Variants in ZNF280C observed in about 807,000 individuals in gnomAD.
The protein encoded by ZNF280C is zinc finger protein 280C, also known as suppressor of hairy wing homolog 3.
ZNF280C carries 14 observed loss-of-function variants against 53.6 expected under a neutral mutation model. The observed-to-expected ratio is 0.26, with a 90% CI of 0.17 to 0.41. ZNF280C has a LOEUF of 0.41. ZNF280C is among the 10% of genes least tolerant of loss of function. ZNF280C has a pLI of 1.00. For synonymous variants in ZNF280C, 203 were observed against 181.1 expected, an observed-to-expected ratio of 1.12 and a Z score of -0.97; for missense variants, 416 against 547.1, an observed-to-expected ratio of 0.76 and a Z score of 2.39.
intron 3 of ZNF280C, among the ~76,000 whole-genome samples, chrX:130,246,254 C>T (rs1174072659): frequency 8.9e-6 from 1 of 112,072 alleles, no homozygotes; most frequent in Non-Finnish European, 1.9e-5. Flanking sequence ...GAAAACCAGG[C>T]CCTCCCTCCT....
At chrX:130,239,926 A>C (rs1473516315) in intron 5 of ZNF280C, among the ~76,000 whole-genome samples, 1 of 111,420 alleles carries the variant, frequency 9.0e-6, no homozygotes, top group Non-Finnish European at 1.9e-5. Context: ...AAAATGTTAA[A>C]ATTTAAAAAT....
At chrX:130,236,983 A>G (rs1328204948) in intron 6 of ZNF280C, among the ~76,000 whole-genome samples, 1 of 111,774 alleles carries the variant, frequency 8.9e-6, no homozygotes. Flanking sequence ...TCCAAGCTAA[A>G]TAAAATAAAT....
intron 10 of ZNF280C, among the ~76,000 whole-genome samples, 158 bp downstream of exon 10, chrX:130,228,819 C>T (rs1316353641): frequency 9.2e-6 from 1 of 108,889 alleles, no homozygotes; most frequent in Non-Finnish European, 1.9e-5. Flanking sequence ...GAACACATTT[C>T]ATCTAGGTTT....
intron 16 of ZNF280C, among the ~76,000 whole-genome samples, chrX:130,208,915 C>T (rs1252496429): frequency 3.6e-5 from 4 of 109,733 alleles, no homozygotes; most frequent in East Asian, 2.9e-4. Context: ...AGGCTGATCT[C>T]GAACTCCTGA....
chrX:130,237,031 C>T (rs1000137707), intron 6 of ZNF280C, among the ~76,000 whole-genome samples: 9 of 111,834 alleles, frequency 8.0e-5, no homozygotes, highest in African/African-American at 2.9e-4. Context: ...AGTTTCTACA[C>T]ATCAACTTAT....
chrX:130,227,750 T>C lies in ZNF280C; in HGVS notation c.1180A>G (p.Thr394Ala). ...ICKICELSFE[T>A]EHILLQHMKD... Reference sequence around the variant, plus strand: ...ATATGTTGTAAAAGAATATGCTCTGTTTCAAATGATAATTCACAGATTTTG... The same window carrying C: ...ATATGTTGTAAAAGAATATGCTCTGCTTCAAATGATAATTCACAGATTTTG... The change falls in exon 11 of 19, where the codon ACA (threonine) becomes GCA (alanine). Residue 394 changes from threonine (T) to alanine (A), a missense_variant. This residue lies in a region of ZNF280C where 72 missense variants were observed against 168.8 expected (regional missense o/e 0.43). Transcript: ENST00000370978. The C allele has an allele frequency of 1.7e-6, 2 of 1,203,705 alleles. No homozygotes were observed. The highest frequency in any genetic ancestry group is 2.2e-6 in the Non-Finnish European group (2 of 890,168).
At chrX:130,225,256 C>T (rs1191071587) in intron 12 of ZNF280C, among the ~76,000 whole-genome samples, 2 of 110,726 alleles carry the variant, frequency 1.8e-5, no homozygotes, top group Non-Finnish European at 3.8e-5. Flanking sequence ...CATAATTAGA[C>T]AGTCAGAGAT....
At chrX:130,257,714 C>T (rs368576936) in intron 2 of ZNF280C, among the ~76,000 whole-genome samples, 4 of 112,077 alleles carry the variant, frequency 3.6e-5, no homozygotes, top group Non-Finnish European at 7.5e-5. Context: ...TTCACTCCCT[C>T]CCTTCAAGAG....
chrX:130,231,962 G>A (rs1157342081), intron 8 of ZNF280C, among the ~76,000 whole-genome samples: 1 of 108,047 alleles, frequency 9.3e-6, no homozygotes, highest in Non-Finnish European at 1.9e-5. Context: ...GTAAGGCGGA[G>A]GTTGAAGTGA....
rs771824866 is a variant in ZNF280C, at chrX:130,255,954, TCAAA to T, written c.31+4461_31+4464del. On this transcript the variant is annotated intron_variant, in intron 2 of 18. Coordinates refer to ENST00000370978, the MANE Select transcript of ZNF280C (RefSeq NM_017666.5). ...TAGCCTGGGTGATGGAGAGTCTCAC[TCAAA>T]CAAACAAACAAGAATAAAGAACAGC... 8.2e-4 allele frequency among the ~76,000 whole-genome samples: 90 copies of T among 110,335 alleles called. 1 individual carries two copies. The highest frequency in any genetic ancestry group is 4.9e-4 in the Non-Finnish European group (26 of 52,715).
In ZNF280C at chrX:130,236,512, A is replaced by G. The variant is rs142080891; in HGVS notation, c.621T>C (p.Ile207=). The change falls in exon 7 of 19, where the codon ATT becomes ATC. Residue 207 remains isoleucine (I), a synonymous_variant. Coordinates refer to ENST00000370978, the MANE Select transcript of ZNF280C (RefSeq NM_017666.5). ...GGGAGGATGTCACTGGAGGAGAGCC[A>G]ATTAAAGGCAATGAAGTGGAGGGAT... is the stretch of plus-strand genomic sequence containing the variant. ...QINPSTSLPL[I]GSPPVTSSQV... 1.7e-6 allele frequency: 2 copies of G among 1,205,795 alleles called. No homozygotes were observed. The highest frequency in any genetic ancestry group is 3.5e-5 in the African/African-American group (2 of 57,115).
intron 2 of ZNF280C, 86 bp downstream of exon 2, chrX:130,260,333 C>T: frequency 1.5e-6 from 1 of 687,701 alleles, no homozygotes; most frequent in Non-Finnish European, 2.1e-6. Flanking sequence ...GAAAATGTGC[C>T]CACTTCTGTC....
In ZNF280C at chrX:130,204,007, G is replaced by T. The variant is rs994809552; in HGVS notation, c.*970C>A. 9.0e-6 allele frequency: 1 copy of T among 111,355 alleles called. No homozygotes were observed. Among genetic ancestry groups the T allele is most frequent in the Admixed American group, 9.6e-5 (1 of 10,447 alleles). 9.2% of individuals were successfully genotyped at this position (111,355 alleles called of 1,213,427 possible). A position where few individuals can be genotyped will look rare whatever the true frequency, so the allele number is the denominator to read the frequency against. On this transcript the variant is annotated 3_prime_UTR_variant, in exon 19 of 19. Coordinates refer to ENST00000370978, the MANE Select transcript of ZNF280C (RefSeq NM_017666.5). ...TAAAAATGAGAATATTAGTATTGCT[G>T]AAAATTCCTAGAATACTGGATAAAA...
At chrX:130,259,588 C>T (rs1468002694) in intron 2 of ZNF280C, among the ~76,000 whole-genome samples, 2 of 112,409 alleles carry the variant, frequency 1.8e-5, no homozygotes, top group Non-Finnish European at 3.8e-5. Context: ...ATTATGTATA[C>T]TAAACCTACA....
At chrX:130,229,413 T>C (rs1458426297) in intron 9 of ZNF280C, among the ~76,000 whole-genome samples, 1 of 111,929 alleles carries the variant, frequency 8.9e-6, no homozygotes, top group East Asian at 2.8e-4. Flanking sequence ...ATTTTAGATT[T>C]AAAATTTTTT....
intron 6 of ZNF280C, among the ~76,000 whole-genome samples, chrX:130,239,127 C>G (rs1307078095): frequency 5.4e-5 from 6 of 111,606 alleles, no homozygotes; most frequent in Non-Finnish European, 9.5e-5. Flanking sequence ...CAATACTACT[C>G]TATAATCATA....
chrX:130,254,187 T>C (rs1456314005), intron 2 of ZNF280C, among the ~76,000 whole-genome samples: 1 of 111,452 alleles, frequency 9.0e-6, no homozygotes, highest in Non-Finnish European at 1.9e-5. Context: ...ATTAGAGAAA[T>C]GCAAATCAAA....
chrX:130,218,546 T>C (rs995982395), intron 13 of ZNF280C, among the ~76,000 whole-genome samples: 1 of 112,706 alleles, frequency 8.9e-6, no homozygotes, highest in African/African-American at 3.2e-5. Flanking sequence ...CCCATGTACT[T>C]GAAGAACAGC....
At chrX:130,242,315 G>T (rs189893415) in intron 5 of ZNF280C, among the ~76,000 whole-genome samples, 46 of 111,561 alleles carry the variant, frequency 4.1e-4, no homozygotes, top group African/African-American at 1.4e-3. Context: ...AATAAGATTA[G>T]CACAAAGACT....
Sources: allele counts gnomAD v4.1 joint callset (sites outside exome capture counted in the v4.1 genomes callset), GRCh38; gene constraint gnomAD v4.1.1; regional missense constraint gnomAD v4.1.1; transcripts MANE v1.5; gene names NCBI Gene and HGNC (gene_info 2026-07-23, HGNC 2026-07-21).